HSP90AA1: variants seen among roughly 807,000 people sequenced by gnomAD.
HSP90AA1 encodes heat shock protein HSP 90-alpha.
HSP90AA1 carries 18 observed loss-of-function variants against 73.3 expected under a neutral mutation model. The ratio of observed to expected loss-of-function variants is 0.25; its 90% confidence interval spans 0.17 to 0.36. The LOEUF (loss-of-function observed/expected upper bound fraction) is 0.36, where lower values mean the gene tolerates loss of function less well. Among genes scored for constraint, HSP90AA1 ranks in the 10% least tolerant of loss-of-function variants. The pLI, the probability that HSP90AA1 is intolerant of heterozygous loss-of-function variation, is 1.00. For synonymous variants in HSP90AA1, 477 were observed against 296.9 expected (o/e 1.61, Z -6.24); for missense variants, 704 against 874.2 (o/e 0.81, Z 2.45).
In HSP90AA1 at chr14:102,081,317, T is replaced by C. The variant is rs776894543; in HGVS notation, c.*395A>G. ...TACAGGGAATGAAAAGTTCAAAAAG[T>C]AGATCCTACAAGATGTAACGAATAC... is the stretch of plus-strand genomic sequence containing the variant. On this transcript the variant is annotated 3_prime_UTR_variant, in exon 11 of 11. Transcript: ENST00000216281. 20 of 302,548 alleles carry C rather than the reference T, an allele frequency of 6.6e-5. No homozygotes were observed. The highest frequency in any genetic ancestry group is 1.1e-4 in the Non-Finnish European group (18 of 160,012). The allele number at this position is 302,548 out of a possible 1,614,324, so 18.7% of individuals were successfully genotyped here.
chr14:102,126,755 C>G (rs191892316), intron 1 of HSP90AA1, among the ~76,000 whole-genome samples: 1 of 152,310 alleles, frequency 6.6e-6, no homozygotes, highest in African/African-American at 2.4e-5. Flanking sequence ...GTCTCGATCT[C>G]CTGACCTCGT....
At chr14:102,090,966 C>G (rs1325394437), upstream of HSP90AA1, among the ~76,000 whole-genome samples, 1 of 152,158 alleles carries the variant, frequency 6.6e-6, no homozygotes, top group Non-Finnish European at 1.5e-5. Context: ...CTGTGTGACC[C>G]AGGGCAAGTC....
At chr14:102,137,251 T>A (rs1034670965) in intron 1 of HSP90AA1, among the ~76,000 whole-genome samples, 14 of 150,126 alleles carry the variant, frequency 9.3e-5, no homozygotes, top group East Asian at 4.0e-4. Flanking sequence ...AAAAAAAAAA[T>A]TTTTTTTTAA....
intron 2 of HSP90AA1, among the ~76,000 whole-genome samples, chr14:102,094,720 G>A (rs766029802): frequency 2.6e-5 from 4 of 152,228 alleles, no homozygotes; most frequent in Admixed American, 2.0e-4. Flanking sequence ...TTGGGGCAGG[G>A]GTTGGCCACT....
chr14:102,086,461 T>C (rs541859250), intron 1 of HSP90AA1, 83 bp from the exon 2 acceptor site: 1 of 1,480,234 alleles, frequency 6.8e-7, no homozygotes. Context: ...TCCAAATATT[T>C]TTAAAGCCGA....
intron 3 of HSP90AA1, 122 bp from the exon 4 acceptor site, chr14:102,085,553 C>T: frequency 8.3e-7 from 1 of 1,201,744 alleles, no homozygotes; most frequent in Non-Finnish European, 1.2e-6. Context: ...CAAAGGCCAC[C>T]ACAGCAGAAC....
intron 9 of HSP90AA1, chr14:102,082,830 C>T (rs2049129958): frequency 3.3e-6 from 2 of 609,762 alleles, no homozygotes; most frequent in South Asian, 3.7e-5. Context: ...CCGTGTTAGC[C>T]AGGATGGTCT....
chr14:102,103,529 T>C, intron 1 of HSP90AA1, among the ~76,000 whole-genome samples: 1 of 150,740 alleles, frequency 6.6e-6, no homozygotes, highest in East Asian at 2.0e-4. Flanking sequence ...CTCGGCTGGG[T>C]GTGGTGGCTC....
At position 102,139,332 on chromosome 14, in the gene HSP90AA1, G is replaced by A. The variant is rs1566745452; in HGVS notation, c.73C>T (p.Gln25Ter). ...CGGTCGCGCGGGTATTCAGCACTCT[G>A]GGCGGGACAGTCCCTGTCCCGAAGG... is the stretch of plus-strand genomic sequence containing the variant. The change falls in exon 1 of 12, where the codon CAG becomes TAG. Residue 25 changes from glutamine (Q) to a stop codon, truncating the protein, a stop_gained. Transcript: ENST00000334701. LOFTEE classifies it high-confidence loss of function. 1 of 1,613,356 alleles carries A rather than the reference G, an allele frequency of 6.2e-7. No homozygotes were observed. Among genetic ancestry groups the A allele is most frequent in the Non-Finnish European group, 8.5e-7 (1 of 1,179,888 alleles).
chr14:102,114,730 C>G (rs567868942), intron 1 of HSP90AA1, among the ~76,000 whole-genome samples: 1 of 152,046 alleles, frequency 6.6e-6, no homozygotes, highest in African/African-American at 2.4e-5. Flanking sequence ...AGGCCGGACC[C>G]GGTTGCTGAC....
chr14:102,120,181 C>G (rs1452524997), intron 1 of HSP90AA1, among the ~76,000 whole-genome samples: 1 of 151,674 alleles, frequency 6.6e-6, no homozygotes, highest in Non-Finnish European at 1.5e-5. Context: ...CTGGGAAACA[C>G]AGTGGGACCC....
At chr14:102,123,851 A>T (rs973353824) in intron 1 of HSP90AA1, among the ~76,000 whole-genome samples, 3 of 152,080 alleles carry the variant, frequency 2.0e-5, no homozygotes, top group Non-Finnish European at 2.9e-5. Context: ...CCTAGGCTGG[A>T]GTGCAGGGGT....
intron 1 of HSP90AA1, among the ~76,000 whole-genome samples, chr14:102,124,153 A>G (rs180842391): frequency 6.6e-6 from 1 of 151,700 alleles, no homozygotes; most frequent in East Asian, 1.9e-4. Flanking sequence ...ACTATTTGAC[A>G]GAGAAAGTAG....
intron 1 of HSP90AA1, among the ~76,000 whole-genome samples, chr14:102,106,514 C>G (rs982749547): frequency 6.6e-6 from 1 of 150,524 alleles, no homozygotes; most frequent in Non-Finnish European, 1.5e-5. Context: ...CCAGTGTGCC[C>G]GCCTGAGCTC....
chr14:102,124,135 A>T (rs1053549017), intron 1 of HSP90AA1, among the ~76,000 whole-genome samples: 1 of 151,576 alleles, frequency 6.6e-6, no homozygotes. Context: ...ATTATACTTA[A>T]ATTAGTTACT....
At chr14:102,103,362 G>A (rs1030540324) in intron 1 of HSP90AA1, among the ~76,000 whole-genome samples, 15 of 151,492 alleles carry the variant, frequency 9.9e-5, no homozygotes, top group Non-Finnish European at 1.6e-4. Flanking sequence ...GACTACAGCC[G>A]CACACTACCA....
At chr14:102,136,078 A>G (rs1354473481) in intron 1 of HSP90AA1, among the ~76,000 whole-genome samples, 1 of 152,256 alleles carries the variant, frequency 6.6e-6, no homozygotes, top group Non-Finnish European at 1.5e-5. Flanking sequence ...ACCTCTCAGT[A>G]TGACTTAAAT....
At chr14:102,136,946 G>T (rs1232941070) in intron 1 of HSP90AA1, among the ~76,000 whole-genome samples, 1 of 151,836 alleles carries the variant, frequency 6.6e-6, no homozygotes, top group African/African-American at 2.4e-5. Context: ...GGGCGCGGTG[G>T]CTCACGCCTG....
At chr14:102,112,747 C>T (rs778710885) in intron 1 of HSP90AA1, among the ~76,000 whole-genome samples, 4 of 152,196 alleles carry the variant, frequency 2.6e-5, no homozygotes, top group African/African-American at 9.7e-5. Flanking sequence ...TCTCAAAGTG[C>T]TGGGATTACA....
Sources: gnomAD v4.1 joint callset for allele counts (sites outside exome capture counted in the v4.1 genomes callset) on GRCh38, gnomAD v4.1.1 for gene constraint, MANE v1.5 for transcripts, NCBI Gene and HGNC (gene_info 2026-07-23, HGNC 2026-07-21) for gene names.